The following GNA14 variants were observed in gnomAD, a reference collection of about 807,000 sequenced individuals.
The protein encoded by GNA14 is G protein subunit alpha 14, also known as guanine nucleotide-binding protein subunit alpha-14.
A neutral mutation model predicts 42.0 loss-of-function variants in GNA14; 50 were observed. The observed-to-expected ratio is 1.19, with a 90% confidence interval of 0.95 to 1.51. The LOEUF is 1.51. GNA14 is among the 40% of genes most tolerant of loss of function. GNA14 has a pLI of 0.00. For missense variants in GNA14, 473 were observed against 446.2 expected (o/e 1.06, Z -0.54); for synonymous variants, 173 against 163.1 (o/e 1.06, Z -0.46).
intron 1 of GNA14, among the ~76,000 whole-genome samples, chr9:77,584,141 T>C (rs1444250596): frequency 6.6e-6 from 1 of 152,162 alleles, no homozygotes; most frequent in Non-Finnish European, 1.5e-5. Context: ...TTCATTCCCA[T>C]TCAGTTTACT....
In GNA14 at chr9:77,487,981, T is replaced by C. The variant is rs1457739843; in HGVS notation, c.309+41088A>G. 2.0e-5 allele frequency among the ~76,000 whole-genome samples: 3 copies of C among 152,068 alleles called. No individual in the cohort carries two copies. The East Asian group carries it at 5.8e-4, about 29-fold the overall frequency. ...CTGAAAAACCCAGTTGACATCACATTTGATACCAGGACCATCATCTAAAAA... is the reference window on the plus strand; with the variant it reads ...CTGAAAAACCCAGTTGACATCACATCTGATACCAGGACCATCATCTAAAAA... On this transcript the variant is annotated intron_variant, in intron 2 of 6. Transcript: ENST00000341700.
chr9:77,584,145 G>T (rs2117866704), intron 1 of GNA14, among the ~76,000 whole-genome samples: 1 of 152,212 alleles, frequency 6.6e-6, no homozygotes, highest in East Asian at 1.9e-4. Flanking sequence ...TTCCCATTCA[G>T]TTTACTGCCT....
At chr9:77,502,708 G>A (rs1836996070) in intron 2 of GNA14, among the ~76,000 whole-genome samples, 1 of 152,206 alleles carries the variant, frequency 6.6e-6, no homozygotes, top group South Asian at 2.1e-4. Flanking sequence ...GTGGGAATGT[G>A]AGTCTCAGCT....
Position 77,529,171 on chromosome 9 carries a change from CT to C in GNA14, c.206del (p.Lys69ArgfsTer18), listed in dbSNP as rs774405009. On this transcript the variant is annotated frameshift_variant, in exon 2 of 7. Transcript: ENST00000341700. LOFTEE classifies it high-confidence loss of function. ...HGSGYSDEDRKGFTKLVYQNI... is the reference protein window; with the variant it reads ...HGSGYSDEDRXGFTKLVYQNI... ...TTTGGTAAACCAGCTTCGTGAACCC[CT>C]TTCTGTCTTCGTCGCTGTAACCAGA... is the stretch of plus-strand genomic sequence containing the variant. 1.9e-6 allele frequency: 3 copies of C among 1,614,008 alleles called. No homozygotes were observed. Among genetic ancestry groups the C allele is most frequent in the Non-Finnish European group, 2.5e-6 (3 of 1,179,880 alleles).
chr9:77,432,359 C>T (rs1369149488), intron 3 of GNA14, among the ~76,000 whole-genome samples: 1 of 151,474 alleles, frequency 6.6e-6, no homozygotes. Context: ...CCTTCCACAA[C>T]CCACCTCTCT....
chr9:77,542,239 T>C (rs1837669530), intron 1 of GNA14, among the ~76,000 whole-genome samples: 1 of 152,230 alleles, frequency 6.6e-6, no homozygotes, highest in South Asian at 2.1e-4. Context: ...TATATATATA[T>C]GGCACTATGG....
chr9:77,475,253 T>C lies in GNA14; in HGVS notation c.310-40731A>G, dbSNP rs114652647. 8.4e-3 allele frequency among the ~76,000 whole-genome samples: 1,279 copies of C among 152,260 alleles called. 6 individuals are homozygous for C. The highest frequency in any genetic ancestry group is 0.01 in the Non-Finnish European group (695 of 68,026). On this transcript the variant is annotated intron_variant, in intron 2 of 6. Transcript: ENST00000341700. ...TAAACCCTCTTCTCCAGTGTGGCTA[T>C]ACAAGGGAATTTGTTCAACTGGTAA...
chr9:77,443,123 TCTCA>T (rs1373749135), intron 2 of GNA14, among the ~76,000 whole-genome samples: 3 of 152,228 alleles, frequency 2.0e-5, no homozygotes, highest in African/African-American at 4.8e-5. Context: ...AACATACCTC[TCTCA>T]CTGATAGTGT....
chr9:77,514,955 T>A (rs1469350672), intron 2 of GNA14, among the ~76,000 whole-genome samples: 1 of 152,096 alleles, frequency 6.6e-6, no homozygotes, highest in Non-Finnish European at 1.5e-5. Context: ...TAGCTATTTA[T>A]GAGTACAAAG....
intron 1 of GNA14, among the ~76,000 whole-genome samples, chr9:77,634,286 G>A (rs1045715118): frequency 6.6e-6 from 1 of 151,856 alleles, no homozygotes; most frequent in South Asian, 2.1e-4. Flanking sequence ...TGGGCATACT[G>A]ATGCACCTGC....
intron 1 of GNA14, among the ~76,000 whole-genome samples, chr9:77,636,198 A>G (rs1334190277): frequency 7.9e-5 from 12 of 152,174 alleles, no homozygotes; most frequent in Admixed American, 7.9e-4. Context: ...ATATTCTGGG[A>G]TGGGTTACTC....
chr9:77,518,967 G>A (rs1057230255), intron 2 of GNA14, among the ~76,000 whole-genome samples: 4 of 152,192 alleles, frequency 2.6e-5, no homozygotes, highest in Admixed American at 2.0e-4. Context: ...GGGTTTTGGT[G>A]TCAGAAATCA....
At chr9:77,622,543 C>T (rs181052391) in intron 1 of GNA14, among the ~76,000 whole-genome samples, 17 of 151,842 alleles carry the variant, frequency 1.1e-4, no homozygotes, top group Admixed American at 8.5e-4. Flanking sequence ...CCGAGTTGGG[C>T]GGATCACAGA....
chr9:77,440,509 T>C (rs1835714593), intron 2 of GNA14, among the ~76,000 whole-genome samples: 1 of 152,246 alleles, frequency 6.6e-6, no homozygotes, highest in African/African-American at 2.4e-5. Flanking sequence ...TCATTAAGCA[T>C]TTTGGTTAAA....
At chr9:77,514,236 C>T (rs560381872) in intron 2 of GNA14, among the ~76,000 whole-genome samples, 2 of 152,134 alleles carry the variant, frequency 1.3e-5, no homozygotes, top group East Asian at 1.9e-4. Context: ...GCTTTTTGCC[C>T]GATATCACAG....
At chr9:77,620,554 G>T (rs140935734) in intron 1 of GNA14, among the ~76,000 whole-genome samples, 1 of 152,086 alleles carries the variant, frequency 6.6e-6, no homozygotes, top group African/African-American at 2.4e-5. Flanking sequence ...CTAATAATTA[G>T]AAACAAATCC....
intron 2 of GNA14, among the ~76,000 whole-genome samples, chr9:77,507,009 A>G (rs955792328): frequency 6.6e-6 from 1 of 152,208 alleles, no homozygotes; most frequent in African/African-American, 2.4e-5. Context: ...GGAAGTGTAC[A>G]GGATAAAAAT....
At chr9:77,567,558 G>A (rs779934460) in intron 1 of GNA14, among the ~76,000 whole-genome samples, 4 of 152,078 alleles carry the variant, frequency 2.6e-5, no homozygotes, top group Non-Finnish European at 5.9e-5. Flanking sequence ...ATGCTTGTGG[G>A]GCAGTTTTCC....
intron 1 of GNA14, among the ~76,000 whole-genome samples, chr9:77,614,417 TAGTGTTTTC>T (rs1368322824): frequency 6.6e-6 from 1 of 152,152 alleles, no homozygotes; most frequent in Non-Finnish European, 1.5e-5. Context: ...TACCCCATTT[TAGTGTTTTC>T]AGTGTTTTCT....
Sources: allele counts gnomAD v4.1 joint callset (sites outside exome capture counted in the v4.1 genomes callset), GRCh38; gene constraint gnomAD v4.1.1; transcripts MANE v1.5; gene names NCBI Gene and HGNC (gene_info 2026-07-23, HGNC 2026-07-21).